The following FBXL13 variants were observed in gnomAD, a reference collection of about 807,000 sequenced individuals.
The protein encoded by FBXL13 is F-box and leucine rich repeat protein 13.
A neutral mutation model predicts 83.6 loss-of-function variants in FBXL13; 67 were observed. The ratio of observed to expected loss-of-function variants is 0.80; its 90% confidence interval spans 0.66 to 0.98. FBXL13 has a LOEUF of 0.98. Among genes scored for constraint, FBXL13 ranks in the 50% least tolerant of loss-of-function variants. The pLI, the probability that FBXL13 is intolerant of heterozygous loss-of-function variation, is 0.00. For synonymous variants in FBXL13, 272 were observed against 299.5 expected (o/e 0.91, Z 0.95); for missense variants, 822 against 866.5 (o/e 0.95, Z 0.64).
intron 1 of FBXL13, among the ~76,000 whole-genome samples, chr7:103,069,716 G>A (rs1323526303): frequency 6.6e-6 from 1 of 152,188 alleles, no homozygotes; most frequent in Non-Finnish European, 1.5e-5. Context: ...AACCTTTGCT[G>A]GCGAAAGAGT....
intron 16 of FBXL13, among the ~76,000 whole-genome samples, chr7:102,861,225 A>G (rs1249077754): frequency 6.6e-6 from 1 of 152,132 alleles, no homozygotes. Context: ...CAAAGTCAAC[A>G]TTCAAATTTT....
intron 6 of FBXL13, among the ~76,000 whole-genome samples, chr7:102,968,338 CT>C (rs1826219820): frequency 6.6e-6 from 1 of 152,158 alleles, no homozygotes; most frequent in Non-Finnish European, 1.5e-5. Flanking sequence ...CTGCTGACTC[CT>C]TTTATATAAT....
chr7:102,887,585 T>C (rs781718861), intron 11 of FBXL13, among the ~76,000 whole-genome samples: 12 of 152,202 alleles, frequency 7.9e-5, no homozygotes, highest in Non-Finnish European at 1.5e-4. Context: ...TCAGAATTTC[T>C]ACATTGCAAG....
intron 8 of FBXL13, among the ~76,000 whole-genome samples, chr7:102,957,558 T>C: frequency 6.6e-6 from 1 of 152,018 alleles, no homozygotes; most frequent in African/African-American, 2.4e-5. Context: ...ACTAAAGAGC[T>C]TCTGCACGGG....
At chr7:102,944,444 C>T in intron 8 of FBXL13, 1 of 1,613,892 alleles carries the variant, frequency 6.2e-7, no homozygotes, top group African/African-American at 1.3e-5. Flanking sequence ...AAAGGATGGT[C>T]TGTGGGAAAA....
At chr7:102,881,483 A>G (rs1810065973) in intron 14 of FBXL13, among the ~76,000 whole-genome samples, 1 of 151,276 alleles carries the variant, frequency 6.6e-6, no homozygotes, top group Non-Finnish European at 1.5e-5. Flanking sequence ...AGAAGCCTGC[A>G]CGAAATGCAA....
intron 8 of FBXL13, among the ~76,000 whole-genome samples, chr7:102,935,304 T>C (rs1016786226): frequency 1.6e-5 from 2 of 128,456 alleles, no homozygotes; most frequent in African/African-American, 6.0e-5. Context: ...CAGGCTGGAG[T>C]GCAGTGGCGC....
At chr7:103,059,271 T>C (rs1797631680) in intron 1 of FBXL13, among the ~76,000 whole-genome samples, 1 of 152,080 alleles carries the variant, frequency 6.6e-6, no homozygotes, top group Non-Finnish European at 1.5e-5. Flanking sequence ...GAGAAAGACC[T>C]TGTCTCAAAA....
chr7:102,998,834 T>A (rs1197966068), intron 6 of FBXL13, among the ~76,000 whole-genome samples: 1 of 151,654 alleles, frequency 6.6e-6, no homozygotes. Context: ...TAATAATAAT[T>A]AAAATTAAAA....
chr7:103,026,347 G>C (rs1248264132), intron 5 of FBXL13, among the ~76,000 whole-genome samples: 1 of 151,846 alleles, frequency 6.6e-6, no homozygotes, highest in Non-Finnish European at 1.5e-5. Flanking sequence ...GGTGTATAAG[G>C]GGGGACTGGT....
intron 2 of FBXL13, among the ~76,000 whole-genome samples, chr7:103,048,075 T>C (rs1796452937): frequency 6.6e-6 from 1 of 152,226 alleles, no homozygotes. Context: ...ATTTTGACAA[T>C]GCTTCCCATG....
intron 17 of FBXL13, among the ~76,000 whole-genome samples, chr7:102,850,477 TA>T (rs1445636434): frequency 1.1e-4 from 17 of 152,204 alleles, no homozygotes; most frequent in Non-Finnish European, 2.4e-4. Flanking sequence ...AACCCAGTAT[TA>T]AAAATGTTAA....
At chr7:102,968,673 T>A (rs963827534) in intron 6 of FBXL13, among the ~76,000 whole-genome samples, 9 of 152,202 alleles carry the variant, frequency 5.9e-5, no homozygotes, top group Non-Finnish European at 8.8e-5. Flanking sequence ...AAACATTTTT[T>A]AAAAACATAA....
chr7:102,976,756 C>A (rs1345914297), intron 6 of FBXL13, among the ~76,000 whole-genome samples: 1 of 152,148 alleles, frequency 6.6e-6, no homozygotes, highest in African/African-American at 2.4e-5. Flanking sequence ...CTCACCTCCT[C>A]GCCAGTCACC....
intron 11 of FBXL13, among the ~76,000 whole-genome samples, chr7:102,908,968 TG>T (rs1814205686): frequency 6.6e-6 from 1 of 152,208 alleles, no homozygotes; most frequent in African/African-American, 2.4e-5. Context: ...GCCAGGCCTG[TG>T]TCCTCCTCTT....
chr7:102,812,736 C>T (rs1349464845), downstream of FBXL13, among the ~76,000 whole-genome samples: 1 of 151,668 alleles, frequency 6.6e-6, no homozygotes, highest in African/African-American at 2.4e-5. Flanking sequence ...AGTCTCATCT[C>T]TCAGGGTTGT....
chr7:102,819,256 G>T (rs1798461213), intron 19 of FBXL13, among the ~76,000 whole-genome samples: 2 of 152,012 alleles, frequency 1.3e-5, no homozygotes, highest in Admixed American at 1.3e-4. Context: ...AATACAAATA[G>T]CTTGTCGTTT....
chr7:102,873,317 A>G (rs1808777236), intron 16 of FBXL13, among the ~76,000 whole-genome samples: 1 of 152,216 alleles, frequency 6.6e-6, no homozygotes, highest in Non-Finnish European at 1.5e-5. Context: ...TGTAAGGGAC[A>G]CAGCTCAGGA....
chr7:103,069,793 T>C lies in FBXL13; in HGVS notation c.-105+4453A>G, dbSNP rs146897318. ...CCAATAAAAATAAGAAATTACTAGG[T>C]ATGGGCTGGGCGCGGTGGCCCACGC... On this transcript the variant is annotated intron_variant, in intron 1 of 19. Coordinates refer to ENST00000313221, the Ensembl canonical transcript of FBXL13. 7.6e-3 allele frequency among the ~76,000 whole-genome samples: 1,165 copies of C among 152,302 alleles called. 17 individuals carry two copies. The highest frequency in any genetic ancestry group is 0.027 in the African/African-American group (1,109 of 41,568).
Sources: allele counts gnomAD v4.1 joint callset (sites outside exome capture counted in the v4.1 genomes callset), GRCh38; gene constraint gnomAD v4.1.1; transcripts MANE v1.5; gene names NCBI Gene and HGNC (gene_info 2026-07-23, HGNC 2026-07-21).